Variants in TRAPPC12 observed in about 807,000 individuals in gnomAD.
TRAPPC12 encodes trafficking protein particle complex subunit 12.
In TRAPPC12, 61 loss-of-function variants were observed where a neutral mutation model predicts 69.2. The observed-to-expected ratio is 0.88, with a 90% CI of 0.72 to 1.09. The LOEUF is 1.09. TRAPPC12 is among the 50% of genes least tolerant of loss of function. TRAPPC12 has a pLI of 0.00. For missense variants in TRAPPC12, 1,101 were observed against 1,016.4 expected (o/e 1.08, Z -1.13); for synonymous variants, 469 against 438.9 (o/e 1.07, Z -0.86).
chr2:3,466,745 CTG>C (rs572562916), intron 9 of TRAPPC12, among the ~76,000 whole-genome samples: 15 of 152,186 alleles, frequency 9.9e-5, no homozygotes, highest in Non-Finnish European at 1.6e-4. Context: ...CAGCAGATGA[CTG>C]TCACTGAATA....
chr2:3,443,870 G>A lies in TRAPPC12; in HGVS notation c.1509G>A (p.Lys503=). The part of the protein sequence containing the change: ...NPQESLDRLH[K]VKTVCSKILA... Reference sequence around the variant, plus strand: ...AGGAGTCGCTGGATAGACTGCACAAGGTGAAGACTGTCTGCAGCAAGGTAG... The same window carrying A: ...AGGAGTCGCTGGATAGACTGCACAAAGTGAAGACTGTCTGCAGCAAGGTAG... Residue 503 remains lysine, a synonymous_variant, in exon 6 of 12, where the codon AAG becomes AAA. Coordinates refer to ENST00000324266, the MANE Select transcript of TRAPPC12 (RefSeq NM_016030.6). The A allele has an allele frequency of 6.2e-7, 1 of 1,613,724 alleles. No individual in the cohort carries two copies. The highest frequency in any genetic ancestry group is 1.3e-5 in the African/African-American group (1 of 75,054).
rs370184348 is a variant in TRAPPC12, at chr2:3,388,606, G to A, written c.983G>A (p.Arg328His). Residue 328 changes from arginine (R) to histidine (H), a missense_variant, in exon 2 of 12, where the codon CGC becomes CAC. Coordinates refer to ENST00000324266, the MANE Select transcript of TRAPPC12 (RefSeq NM_016030.6). ...GVLRAVATQQ[R>H]GAVFVDKENL... is the part of the protein sequence containing the mutation. ...CTGCGGGCCGTGGCCACCCAGCAGC[G>A]CGGCGCCGTGTTCGTGGACAAGGAG... is the stretch of plus-strand genomic sequence containing the variant. 8.1e-6 allele frequency: 13 copies of A among 1,604,660 alleles called. No homozygotes were observed. In the East Asian group the frequency reaches 1.6e-4, roughly 19 times the overall value.
chr2:3,426,976 CT>C (rs1663140014), intron 5 of TRAPPC12, among the ~76,000 whole-genome samples: 1 of 152,186 alleles, frequency 6.6e-6, no homozygotes, highest in African/African-American at 2.4e-5. Flanking sequence ...GAGGGTCATC[CT>C]TTCCGTGTAA....
In TRAPPC12 at chr2:3,387,679, C is replaced by A. The variant is rs755957990; in HGVS notation, c.56C>A (p.Pro19His). 8 of 1,558,982 alleles carry A rather than the reference C, an allele frequency of 5.1e-6. No homozygotes were observed. Among genetic ancestry groups the A allele is most frequent in the Non-Finnish European group, 5.2e-6 (6 of 1,151,696 alleles). ...CCGGCCCCGGAGGCCCCGCACCCCC[C>A]TCAGCTCGCGCCTCCGGAGGAGCAG... ...ETPAPEAPHP[P>H]QLAPPEEQGL... is the part of the protein sequence containing the mutation. Residue 19 changes from proline to histidine, a missense_variant, in exon 2 of 12, where the codon CCT becomes CAT. Physicochemically the swap from Pro to His is moderately conservative, Grantham distance 77. Transcript: ENST00000324266.
intron 5 of TRAPPC12, among the ~76,000 whole-genome samples, chr2:3,442,647 T>C (rs1407021809): frequency 1.3e-5 from 2 of 152,230 alleles, no homozygotes; most frequent in African/African-American, 4.8e-5. Context: ...ACAATAGAAC[T>C]GTTTTCCATA....
chr2:3,476,647 C>A lies in TRAPPC12; in HGVS notation c.1777-1048C>A, dbSNP rs144713003. ...GCAGAAACATGACACCCATGGAGAA[C>A]CATCTCCCCACCAGTCATCTGAGAA... is the stretch of plus-strand genomic sequence containing the variant. On this transcript the variant is annotated intron_variant, in intron 9 of 11. Transcript: ENST00000324266. 1.9e-3 allele frequency among the ~76,000 whole-genome samples: 282 copies of A among 152,346 alleles called. 2 individuals carry two copies. The highest frequency in any genetic ancestry group is 2.9e-3 in the Admixed American group (45 of 15,298).
intron 3 of TRAPPC12, among the ~76,000 whole-genome samples, chr2:3,406,637 C>A (rs1466997032): frequency 6.6e-6 from 1 of 152,224 alleles, no homozygotes; most frequent in African/African-American, 2.4e-5. Flanking sequence ...AGTTACGGAT[C>A]TCCAGGGTGG....
At chr2:3,424,712 G>C in intron 5 of TRAPPC12, 49 bp downstream of exon 5, 1 of 1,512,584 alleles carries the variant, frequency 6.6e-7, no homozygotes, top group Non-Finnish European at 8.8e-7. Flanking sequence ...GTGTCGCTCT[G>C]GTTTGCTTTG....
At chr2:3,453,034 C>G (rs1324508389) in intron 6 of TRAPPC12, among the ~76,000 whole-genome samples, 1 of 152,248 alleles carries the variant, frequency 6.6e-6, no homozygotes, top group African/African-American at 2.4e-5. Flanking sequence ...GAAGGTCAGC[C>G]TGAACTTGAA....
At chr2:3,465,750 C>T in intron 9 of TRAPPC12, 55 bp downstream of exon 9, 1 of 1,163,282 alleles carries the variant, frequency 8.6e-7, no homozygotes, top group East Asian at 2.3e-5. Context: ...GTTCTTTGCT[C>T]AGATGGGCGA....
chr2:3,451,064 A>G (rs2103118215), intron 6 of TRAPPC12, among the ~76,000 whole-genome samples: 1 of 152,330 alleles, frequency 6.6e-6, no homozygotes, highest in Admixed American at 6.5e-5. Context: ...ATAGGTTACA[A>G]ATTGCCTTTT....
chr2:3,404,663 A>G (rs548060422), intron 3 of TRAPPC12, among the ~76,000 whole-genome samples: 2 of 152,274 alleles, frequency 1.3e-5, no homozygotes, highest in Non-Finnish European at 1.5e-5. Context: ...CGTGACAGTC[A>G]GGAAGCGTGT....
intron 3 of TRAPPC12, 87 bp from the exon 4 acceptor site, chr2:3,421,794 G>A (rs2103054436): frequency 1.7e-6 from 2 of 1,211,450 alleles, no homozygotes; most frequent in Admixed American, 3.7e-5. Context: ...AAGGTGAGCA[G>A]CTGTGGCCAG....
intron 8 of TRAPPC12, chr2:3,462,719 C>G: frequency 3.2e-6 from 1 of 308,362 alleles, no homozygotes; most frequent in South Asian, 2.5e-5. Context: ...ACTTCTTCCT[C>G]TCCTTAGGCC....
intron 6 of TRAPPC12, chr2:3,449,563 T>C (rs2103114964): frequency 6.6e-6 from 1 of 152,412 alleles, no homozygotes; most frequent in African/African-American, 2.4e-5. Context: ...TAATTGCTAA[T>C]GTGGTAGTGA....
At position 3,387,933 on chromosome 2, in the gene TRAPPC12, C is replaced by T; in HGVS notation, c.310C>T (p.Pro104Ser). 2.0e-6 allele frequency: 3 copies of T among 1,504,796 alleles called. No individual in the cohort carries two copies. Among genetic ancestry groups the T allele is most frequent in the Non-Finnish European group, 2.7e-6 (3 of 1,128,482 alleles). The allele number at this position is 1,504,796 out of a possible 1,614,324, so 93.2% of individuals were successfully genotyped here. ...AGGGGAAGGCGACCCAGGCCCGGAG[C>T]CCGCGGGCACCCCGAGTCCCAGCGG... Reference protein sequence around the residue: ...PGGEGDPGPEPAGTPSPSGEA... With the variant: ...PGGEGDPGPESAGTPSPSGEA... The change falls in exon 2 of 12, where the codon CCC becomes TCC. Residue 104 changes from proline to serine, a missense_variant. Coordinates refer to ENST00000324266, the MANE Select transcript of TRAPPC12 (RefSeq NM_016030.6).
rs57562807 is a variant in TRAPPC12 at position 3,411,378 on chromosome 2, A to G, written c.1164+9485A>G. Among the ~76,000 whole-genome samples, 388 of 152,312 alleles carry G rather than the reference A, an allele frequency of 2.5e-3. 1 individual carries two copies. Among genetic ancestry groups the G allele is most frequent in the African/African-American group, 7.8e-3 (324 of 41,568 alleles). On this transcript the variant is annotated intron_variant, in intron 3 of 11. Transcript: ENST00000324266. ...CAAAGCGCTGTCTGCATGAGTGCTG[A>G]TCCATCATTATTTTTTCATTCACAA...
intron 9 of TRAPPC12, among the ~76,000 whole-genome samples, chr2:3,470,147 G>A (rs989402184): frequency 2.0e-5 from 3 of 152,210 alleles, no homozygotes; most frequent in African/African-American, 7.2e-5. Context: ...AAGGCAGAGG[G>A]ACCCACATAG....
In TRAPPC12 at chr2:3,411,783, G is replaced by T. The variant is rs545798146; in HGVS notation, c.1164+9890G>T. Among the ~76,000 whole-genome samples, 4 of 152,234 alleles carry T rather than the reference G, an allele frequency of 2.6e-5. No individual in the cohort carries two copies. In the East Asian group the frequency reaches 7.7e-4, roughly 29 times the overall value. ...TCTACATATGTGATTGTTTCTTTAGGATAAGTCTTAGGAGGAGAATTCTGA... is the reference window on the plus strand; with the variant it reads ...TCTACATATGTGATTGTTTCTTTAGTATAAGTCTTAGGAGGAGAATTCTGA... On this transcript the variant is annotated intron_variant, in intron 3 of 11. Transcript: ENST00000324266.
Sources: allele counts gnomAD v4.1 joint callset (sites outside exome capture counted in the v4.1 genomes callset), GRCh38; gene constraint gnomAD v4.1.1; transcripts MANE v1.5; gene names NCBI Gene and HGNC (gene_info 2026-07-23, HGNC 2026-07-21).